ARHGEF38: variants seen among roughly 807,000 people sequenced by gnomAD.
ARHGEF38 encodes the protein Rho guanine nucleotide exchange factor 38, also known as Rho guanine nucleotide exchange factor (GEF) 38.
Under a neutral mutation model 79.9 loss-of-function variants are expected in ARHGEF38, and 79 were observed. That is an observed-to-expected ratio of 0.99 (90% confidence interval 0.82 to 1.19). ARHGEF38 has a LOEUF of 1.19. Ranked by LOEUF, ARHGEF38 falls within the 50% of genes most tolerant of loss-of-function variation. The pLI is 0.00. For synonymous variants in ARHGEF38, 366 were observed against 328.3 expected (o/e 1.11, Z -1.24); for missense variants, 962 against 907.2 (o/e 1.06, Z -0.78).
chr4:105,584,632 T>C (rs1182463032), intron 1 of ARHGEF38, among the ~76,000 whole-genome samples: 2 of 152,230 alleles, frequency 1.3e-5, no homozygotes, highest in African/African-American at 4.8e-5. Context: ...TCTCTCTCTA[T>C]CTGTATCTAT....
At chr4:105,613,649 T>C in intron 3 of ARHGEF38, 142 bp downstream of exon 3, 2 of 867,742 alleles carry the variant, frequency 2.3e-6, no homozygotes, top group Non-Finnish European at 3.4e-6. Flanking sequence ...GGGCTCATTG[T>C]GATTATGCAG....
chr4:105,658,943 T>G (rs961030285), intron 9 of ARHGEF38, 111 bp from the exon 10 acceptor site: 2 of 925,044 alleles, frequency 2.2e-6, no homozygotes, highest in Non-Finnish European at 3.2e-6. Context: ...GGTGCTTTCC[T>G]GTTTTCTTTT....
chr4:105,560,548 A>G (rs1466779612), intron 1 of ARHGEF38, among the ~76,000 whole-genome samples: 1 of 152,214 alleles, frequency 6.6e-6, no homozygotes, highest in African/African-American at 2.4e-5. Flanking sequence ...GTATGAAGTC[A>G]GCTTAAATTG....
intron 1 of ARHGEF38, among the ~76,000 whole-genome samples, chr4:105,553,744 T>G (rs1725114626): frequency 6.6e-6 from 1 of 152,208 alleles, no homozygotes; most frequent in South Asian, 2.1e-4. Context: ...TTCATTTTGA[T>G]GTTGATATTG....
At chr4:105,593,215 C>T (rs780591478) in intron 2 of ARHGEF38, among the ~76,000 whole-genome samples, 61 of 152,176 alleles carry the variant, frequency 4.0e-4, no homozygotes, top group Non-Finnish European at 6.9e-4. Context: ...TCTGTCCCTG[C>T]GATTGGCTAA....
chr4:105,584,843 G>A (rs1726956611), intron 1 of ARHGEF38, among the ~76,000 whole-genome samples: 1 of 152,124 alleles, frequency 6.6e-6, no homozygotes, highest in African/African-American at 2.4e-5. Flanking sequence ...TAAGCAAAAC[G>A]TGGCTATCAG....
At chr4:105,657,829 T>C (rs1305941505) in intron 9 of ARHGEF38, among the ~76,000 whole-genome samples, 1 of 152,180 alleles carries the variant, frequency 6.6e-6, no homozygotes, top group African/African-American at 2.4e-5. Context: ...TCCCATGAGT[T>C]CAGACCAACT....
In ARHGEF38 at chr4:105,679,926, C is replaced by T; in HGVS notation, c.*1989C>T. ...GTTGCCACCAAAACTTTATAATTAC[C>T]TCTCTGAAGCCTTTTAGTGTAATTT... On this transcript the variant is annotated 3_prime_UTR_variant, in exon 14 of 14. Coordinates refer to ENST00000420470, the MANE Select transcript of ARHGEF38 (RefSeq NM_001242729.2). The T allele has an allele frequency of 7.2e-7, 1 of 1,387,024 alleles. No homozygotes were observed. The highest frequency in any genetic ancestry group is 1.2e-5 in the South Asian group (1 of 86,312). 85.9% of individuals were successfully genotyped at this position (1,387,024 alleles called of 1,614,324 possible).
chr4:105,667,603 A>G lies in ARHGEF38; in HGVS notation c.2048A>G (p.Glu683Gly). 1 of 1,536,736 alleles carries G rather than the reference A, an allele frequency of 6.5e-7. No homozygotes were observed. The highest frequency in any genetic ancestry group is 8.7e-7 in the Non-Finnish European group (1 of 1,147,040). ...AGTGACAGTGTCACAGGCACCTCAG[A>G]AAGCAGCATTGGTGATAGCAGCTCA... ...PASDSVTGTS[E>G]SSIGDSSSSL... Residue 683 changes from glutamate (E) to glycine (G), a missense_variant, in exon 13 of 14, where the codon GAA (glutamate) becomes GGA (glycine). Coordinates refer to ENST00000420470, the MANE Select transcript of ARHGEF38 (RefSeq NM_001242729.2).
intron 4 of ARHGEF38, among the ~76,000 whole-genome samples, chr4:105,635,089 A>G (rs1729346012): frequency 6.6e-6 from 1 of 152,146 alleles, no homozygotes; most frequent in African/African-American, 2.4e-5. Flanking sequence ...AGTCACATAA[A>G]AACTTGTTAA....
At chr4:105,644,745 T>A (rs1200375335) in intron 5 of ARHGEF38, among the ~76,000 whole-genome samples, 2 of 152,220 alleles carry the variant, frequency 1.3e-5, no homozygotes, top group Admixed American at 1.3e-4. Flanking sequence ...AGGCCAAGAC[T>A]TCCTTTTAAC....
At position 105,585,566 on chromosome 4, in the gene ARHGEF38, C is replaced by T. The variant is rs574269929; in HGVS notation, c.197-3682C>T. 2.0e-5 allele frequency among the ~76,000 whole-genome samples: 3 copies of T among 152,246 alleles called. No individual in the cohort carries two copies. In the South Asian group the frequency reaches 6.2e-4, roughly 32 times the overall value. On this transcript the variant is annotated intron_variant, in intron 1 of 13. Coordinates refer to ENST00000420470, the MANE Select transcript of ARHGEF38 (RefSeq NM_001242729.2). ...GAGTGAAGTCAATTACATGGTACTG[C>T]TTTAATATACAGCTGCATATTTCTG...
chr4:105,612,576 C>T (rs1037839816), intron 2 of ARHGEF38, among the ~76,000 whole-genome samples: 3 of 152,048 alleles, frequency 2.0e-5, no homozygotes, highest in African/African-American at 7.2e-5. Flanking sequence ...GAAAGGAGAT[C>T]CAACTTAAAC....
chr4:105,633,355 C>A (rs538230122), intron 4 of ARHGEF38, among the ~76,000 whole-genome samples: 1 of 152,244 alleles, frequency 6.6e-6, no homozygotes, highest in East Asian at 1.9e-4. Context: ...TGACCTCAAT[C>A]GAGCTAACCT....
At chr4:105,652,464 G>A (rs73837090) in intron 7 of ARHGEF38, among the ~76,000 whole-genome samples, 61 of 152,274 alleles carry the variant, frequency 4.0e-4, no homozygotes, top group African/African-American at 1.4e-3. Flanking sequence ...GGAAGAATAG[G>A]AGAAAAGGGA....
chr4:105,613,579 G>GT lies in ARHGEF38; in HGVS notation c.508+78dup, dbSNP rs1017969930. On this transcript the variant is annotated intron_variant, in intron 3 of 13. Coordinates refer to ENST00000420470, the MANE Select transcript of ARHGEF38 (RefSeq NM_001242729.2). ...TTTTTAATAACCTCCCTTTGCTTTG[G>GT]TTTTTTGTTCCTGACTCACCATGCT... is the stretch of plus-strand genomic sequence containing the variant. The GT allele has an allele frequency of 2.6e-4, 405 of 1,559,022 alleles. 2 individuals carry two copies. Among genetic ancestry groups the GT allele is most frequent in the Non-Finnish European group, 3.4e-4 (391 of 1,144,176 alleles).
intron 1 of ARHGEF38, among the ~76,000 whole-genome samples, chr4:105,586,634 G>A (rs375693676): frequency 7.2e-5 from 11 of 152,264 alleles, no homozygotes; most frequent in Admixed American, 3.3e-4. Flanking sequence ...TTCCTTTGTC[G>A]ACGATCAGGA....
chr4:105,592,638 A>G (rs976328634), intron 2 of ARHGEF38, among the ~76,000 whole-genome samples: 3 of 152,070 alleles, frequency 2.0e-5, no homozygotes, highest in African/African-American at 7.2e-5. Flanking sequence ...AGCAGAATTA[A>G]TCTCTTATAA....
chr4:105,554,538 GTTCT>G (rs1350879254), intron 1 of ARHGEF38, among the ~76,000 whole-genome samples: 2 of 152,114 alleles, frequency 1.3e-5, no homozygotes, highest in Admixed American at 6.6e-5. Context: ...ACATGATTTT[GTTCT>G]TTCTTCTGGC....
Sources: allele counts gnomAD v4.1 joint callset (sites outside exome capture counted in the v4.1 genomes callset), GRCh38; gene constraint gnomAD v4.1.1; transcripts MANE v1.5; gene names NCBI Gene and HGNC (gene_info 2026-07-23, HGNC 2026-07-21).